The following PAMR1 variants were observed in gnomAD, a reference collection of about 807,000 sequenced individuals.
PAMR1 encodes peptidase domain containing associated with muscle regeneration 1.
A neutral mutation model predicts 81.8 loss-of-function variants in PAMR1; 88 were observed. The observed-to-expected ratio is 1.08, with a 90% CI of 0.91 to 1.28. The LOEUF (loss-of-function observed/expected upper bound fraction) is 1.28, where lower values mean the gene tolerates loss of function less well. Among genes scored for constraint, PAMR1 ranks in the 50% most tolerant of loss-of-function variants. The pLI, the probability that PAMR1 is intolerant of heterozygous loss-of-function variation, is 0.00. For missense variants in PAMR1, 935 were observed against 919.7 expected (o/e 1.02, Z -0.21); for synonymous variants, 336 against 345.3 (o/e 0.97, Z 0.30).
chr11:35,445,665 C>T (rs372333446), intron 6 of PAMR1, among the ~76,000 whole-genome samples: 1 of 152,328 alleles, frequency 6.6e-6, no homozygotes, highest in East Asian at 1.9e-4. Context: ...ACCAGCCTTG[C>T]ATCCTGAGGA....
intron 6 of PAMR1, among the ~76,000 whole-genome samples, chr11:35,449,154 C>T (rs79242196): frequency 0.027 from 4,071 of 152,334 alleles, 93 homozygotes; most frequent in Admixed American, 0.071. Context: ...AATCTGGCTG[C>T]CCCTTGGCAG....
At chr11:35,454,322 T>C (rs955895765) in intron 6 of PAMR1, among the ~76,000 whole-genome samples, 3 of 152,124 alleles carry the variant, frequency 2.0e-5, no homozygotes, top group African/African-American at 7.2e-5. Context: ...GAGATTTTTG[T>C]CCCCCTAGGC....
chr11:35,487,772 AG>A (rs1850538019), intron 3 of PAMR1, among the ~76,000 whole-genome samples: 1 of 152,232 alleles, frequency 6.6e-6, no homozygotes, highest in Admixed American at 6.5e-5. Context: ...AACAAGAGTA[AG>A]GGGTCTGGAA....
intron 6 of PAMR1, 141 bp from the exon 7 acceptor site, chr11:35,441,834 T>C: frequency 1.8e-6 from 1 of 559,788 alleles, no homozygotes; most frequent in East Asian, 3.0e-5. Context: ...ATAAATCTCA[T>C]AATAGAAAAT....
At chr11:35,471,397 C>T (rs747921088) in intron 4 of PAMR1, among the ~76,000 whole-genome samples, 2 of 152,100 alleles carry the variant, frequency 1.3e-5, no homozygotes, top group African/African-American at 2.4e-5. Context: ...TATGGAGATG[C>T]TACAGATATT....
At chr11:35,492,578 C>T (rs1850651611) in intron 2 of PAMR1, among the ~76,000 whole-genome samples, 1 of 152,216 alleles carries the variant, frequency 6.6e-6, no homozygotes, top group Non-Finnish European at 1.5e-5. Flanking sequence ...CTATTGCTAA[C>T]AGTCTTTCTC....
Position 35,492,307 on chromosome 11 carries a change from C to G in PAMR1, c.251-134G>C, listed in dbSNP as rs1850646835. On this transcript the variant is annotated intron_variant, in intron 2 of 10. Transcript: ENST00000619888. ...ATCTGGGCCTAGAAAGGTGTCAGAGCCCAGAGGAAGAACCTCTCATCTCAA... is the reference window on the plus strand; with the variant it reads ...ATCTGGGCCTAGAAAGGTGTCAGAGGCCAGAGGAAGAACCTCTCATCTCAA... 11 of 924,686 alleles carry G rather than the reference C, an allele frequency of 1.2e-5. No homozygotes were observed. In the South Asian group the frequency reaches 1.9e-4, roughly 16 times the overall value. 57.3% of individuals were successfully genotyped at this position (924,686 alleles called of 1,614,324 possible). A position where few individuals can be genotyped will look rare whatever the true frequency, so the allele number is the denominator to read the frequency against.
At chr11:35,451,134 T>C (rs548076350) in intron 6 of PAMR1, among the ~76,000 whole-genome samples, 42 of 152,354 alleles carry the variant, frequency 2.8e-4, no homozygotes, top group South Asian at 2.5e-3. Context: ...TGGGTTTTTC[T>C]GCCCTTGGAA....
At chr11:35,528,228 C>G (rs954372656), upstream of PAMR1, among the ~76,000 whole-genome samples, 2 of 152,264 alleles carry the variant, frequency 1.3e-5, no homozygotes, top group South Asian at 2.1e-4. Flanking sequence ...CCCCATTTTC[C>G]TAAAAGCAGA....
At chr11:35,521,801 A>G (rs1220560331) in intron 1 of PAMR1, among the ~76,000 whole-genome samples, 1 of 152,230 alleles carries the variant, frequency 6.6e-6, no homozygotes, top group Non-Finnish European at 1.5e-5. Flanking sequence ...TTCAGAAACT[A>G]GACAGCCTGA....
chr11:35,511,190 T>C (rs1348485493), intron 1 of PAMR1, among the ~76,000 whole-genome samples: 1 of 152,204 alleles, frequency 6.6e-6, no homozygotes, highest in Non-Finnish European at 1.5e-5. Context: ...GCTGACAAAA[T>C]GTGCTTTACA....
chr11:35,499,145 G>T (rs1246273441), intron 1 of PAMR1, among the ~76,000 whole-genome samples: 1 of 152,164 alleles, frequency 6.6e-6, no homozygotes, highest in Non-Finnish European at 1.5e-5. Context: ...CCATCCAGTG[G>T]GTTCAGCTTG....
Position 35,495,798 on chromosome 11 carries a change from A to G in PAMR1, c.74-1526T>C, listed in dbSNP as rs115483325. Among the ~76,000 whole-genome samples the G allele has an allele frequency of 4.9e-3, 744 of 152,350 alleles. 4 individuals carry two copies. Among genetic ancestry groups the G allele is most frequent in the African/African-American group, 0.017 (705 of 41,570 alleles). On this transcript the variant is annotated intron_variant, in intron 1 of 10. Transcript: ENST00000619888. ...CCAAGTAGAGCCATTTAAATAAACTATCATCATCTATCTTAGCCTCAGGTC... is the reference window on the plus strand; with the variant it reads ...CCAAGTAGAGCCATTTAAATAAACTGTCATCATCTATCTTAGCCTCAGGTC...
intron 1 of PAMR1, among the ~76,000 whole-genome samples, chr11:35,503,216 T>TA (rs1850886889): frequency 1.3e-5 from 2 of 152,206 alleles, no homozygotes; most frequent in African/African-American, 4.8e-5. Context: ...ATTATGTAAG[T>TA]ACCAGGCTGG....
At chr11:35,435,797 A>T in intron 9 of PAMR1, 106 bp downstream of exon 9, 1 of 796,488 alleles carries the variant, frequency 1.3e-6, no homozygotes, top group Non-Finnish European at 2.1e-6. Flanking sequence ...TCACCAAACT[A>T]GAGAAAGCAC....
intron 8 of PAMR1, among the ~76,000 whole-genome samples, chr11:35,437,152 C>A (rs974087827): frequency 6.6e-6 from 1 of 152,134 alleles, no homozygotes; most frequent in African/African-American, 2.4e-5. Context: ...CTCAGGGATT[C>A]TTGGGGAAGA....
intron 3 of PAMR1, among the ~76,000 whole-genome samples, chr11:35,483,402 A>G (rs188103897): frequency 2.0e-3 from 305 of 152,302 alleles, no homozygotes; most frequent in African/African-American, 5.8e-3. Context: ...TCGTAGCCTC[A>G]TTCCAGCCTC....
At chr11:35,514,270 A>G (rs141136530) in intron 1 of PAMR1, among the ~76,000 whole-genome samples, 2 of 152,364 alleles carry the variant, frequency 1.3e-5, no homozygotes, top group East Asian at 1.9e-4. Context: ...TATTCTCTGC[A>G]GAACAGAAAA....
Position 35,437,492 on chromosome 11 carries a change from A to G in PAMR1, c.1101-1357T>C, listed in dbSNP as rs142146367. Among the ~76,000 whole-genome samples, 359 of 152,352 alleles carry G rather than the reference A, an allele frequency of 2.4e-3. 3 individuals carry two copies. Among genetic ancestry groups the G allele is most frequent in the African/African-American group, 8.4e-3 (349 of 41,576 alleles). ...CAACAAATCTTTAGCTCATGTTTAT[A>G]ATGAGGTCTGTAGCTCAGGGAGCTC... On this transcript the variant is annotated intron_variant, in intron 8 of 10. Coordinates refer to ENST00000619888, the MANE Select transcript of PAMR1 (RefSeq NM_001001991.3).
Sources: gnomAD v4.1 joint callset for allele counts (sites outside exome capture counted in the v4.1 genomes callset) on GRCh38, gnomAD v4.1.1 for gene constraint, MANE v1.5 for transcripts, NCBI Gene and HGNC (gene_info 2026-07-23, HGNC 2026-07-21) for gene names.